The following GNB1 variants were observed in gnomAD, a reference collection of about 807,000 sequenced individuals.
GNB1 encodes the protein G protein subunit beta 1, also known as guanine nucleotide-binding protein G(I)/G(S)/G(T) subunit beta-1.
A neutral mutation model predicts 42.9 loss-of-function variants in GNB1; 2 were observed. The ratio of observed to expected loss-of-function variants is 0.05; its 90% CI spans 0.02 to 0.15. The LOEUF is 0.15. Among genes scored for constraint, GNB1 ranks in the 10% least tolerant of loss-of-function variants. The pLI is 1.00. For missense variants in GNB1, 193 were observed against 462.2 expected, an observed-to-expected ratio of 0.42 and a Z score of 5.34; for synonymous variants, 183 against 174.7, an observed-to-expected ratio of 1.05 and a Z score of -0.38.
At chr1:1,841,113 A>G (rs760909690) in intron 1 of GNB1, among the ~76,000 whole-genome samples, 17 of 152,000 alleles carry the variant, frequency 1.1e-4, no homozygotes, top group Middle Eastern at 3.2e-3. Context: ...TATGGTCTCG[A>G]TCTCCTGACC....
At chr1:1,868,250 G>A (rs551210086) in intron 1 of GNB1, among the ~76,000 whole-genome samples, 3 of 151,994 alleles carry the variant, frequency 2.0e-5, no homozygotes, top group South Asian at 4.1e-4. Flanking sequence ...ATCTCAGCTC[G>A]CTGCAACCTC....
chr1:1,799,296 T>C (rs1289502979), intron 7 of GNB1, among the ~76,000 whole-genome samples: 6 of 152,206 alleles, frequency 3.9e-5, no homozygotes, highest in Non-Finnish European at 5.9e-5. Context: ...TAAAATTTCA[T>C]GAAATATGAA....
intron 1 of GNB1, among the ~76,000 whole-genome samples, chr1:1,882,062 C>T (rs1273187936): frequency 6.6e-6 from 1 of 152,134 alleles, no homozygotes; most frequent in Non-Finnish European, 1.5e-5. Flanking sequence ...CCGCTCTGTG[C>T]CTGCGTGTCA....
At chr1:1,819,626 C>T (rs1286629457) in intron 3 of GNB1, among the ~76,000 whole-genome samples, 3 of 152,024 alleles carry the variant, frequency 2.0e-5, no homozygotes, top group African/African-American at 4.8e-5. Context: ...GCAGCCTCGA[C>T]CTCCTGGGCT....
chr1:1,850,915 A>T (rs1647944518), intron 1 of GNB1, among the ~76,000 whole-genome samples: 2 of 152,054 alleles, frequency 1.3e-5, no homozygotes, highest in Non-Finnish European at 2.9e-5. Context: ...TTGGGTTTGG[A>T]TTTTATAATC....
intron 1 of GNB1, among the ~76,000 whole-genome samples, chr1:1,861,480 A>ATAG (rs1192327307): frequency 6.6e-6 from 1 of 151,920 alleles, no homozygotes; most frequent in Non-Finnish European, 1.5e-5. Context: ...AATAATAATA[A>ATAG]AAACCCAGCA....
At chr1:1,873,626 C>T (rs1464947317) in intron 1 of GNB1, among the ~76,000 whole-genome samples, 1 of 152,206 alleles carries the variant, frequency 6.6e-6, no homozygotes, top group Non-Finnish European at 1.5e-5. Flanking sequence ...AACTTGGCGC[C>T]GAGACTGGAC....
intron 3 of GNB1, among the ~76,000 whole-genome samples, chr1:1,819,563 G>A (rs1427346458): frequency 4.0e-5 from 6 of 151,758 alleles, no homozygotes; most frequent in Admixed American, 6.6e-5. Flanking sequence ...TTTTATGACA[G>A]GATCTGGCTC....
chr1:1,855,796 G>C (rs1326338731), intron 1 of GNB1, among the ~76,000 whole-genome samples: 1 of 152,258 alleles, frequency 6.6e-6, no homozygotes, highest in South Asian at 2.1e-4. Flanking sequence ...CCTGGGGAAA[G>C]AGAGACACCT....
chr1:1,880,606 T>C (rs1649794063), intron 1 of GNB1, among the ~76,000 whole-genome samples: 1 of 151,838 alleles, frequency 6.6e-6, no homozygotes, highest in African/African-American at 2.4e-5. Flanking sequence ...TATATATATA[T>C]ATGATGATGA....
chr1:1,839,991 T>C (rs1181330425), intron 1 of GNB1, among the ~76,000 whole-genome samples: 1 of 151,678 alleles, frequency 6.6e-6, no homozygotes, highest in African/African-American at 2.4e-5. Flanking sequence ...AAAAATTAAA[T>C]GTTTTTAATT....
intron 1 of GNB1, among the ~76,000 whole-genome samples, chr1:1,871,229 G>A (rs562743725): frequency 5.7e-4 from 87 of 152,258 alleles, no homozygotes; most frequent in African/African-American, 1.9e-3. Flanking sequence ...TAAGGCCGAG[G>A]CAGGTGGATC....
intron 1 of GNB1, among the ~76,000 whole-genome samples, chr1:1,884,606 G>T (rs1400932235): frequency 6.6e-6 from 1 of 152,216 alleles, no homozygotes; most frequent in East Asian, 1.9e-4. Flanking sequence ...CTACAGGACT[G>T]CACACAGACA....
intron 5 of GNB1, among the ~76,000 whole-genome samples, chr1:1,809,758 C>T (rs937028933): frequency 2.0e-5 from 3 of 152,208 alleles, no homozygotes; most frequent in South Asian, 4.2e-4. Flanking sequence ...CTCCTAGTCC[C>T]GGGTCAGGGA....
intron 2 of GNB1, among the ~76,000 whole-genome samples, chr1:1,837,151 C>T (rs537419575): frequency 2.0e-5 from 3 of 152,142 alleles, no homozygotes; most frequent in South Asian, 2.1e-4. Context: ...TTTTCTTTTA[C>T]GCATTCTATC....
chr1:1,786,110 T>A lies in GNB1; in HGVS notation c.*953A>T, dbSNP rs1035453061. 2.5e-6 allele frequency: 1 copy of A among 398,540 alleles called. No individual in the cohort carries two copies. The highest frequency in any genetic ancestry group is 2.1e-5 in the African/African-American group (1 of 48,592). 24.7% of individuals were successfully genotyped at this position (398,540 alleles called of 1,614,324 possible). A position where few individuals can be genotyped will look rare whatever the true frequency, so the allele number is the denominator to read the frequency against. On this transcript the variant is annotated 3_prime_UTR_variant, in exon 12 of 12. Coordinates refer to ENST00000378609, the MANE Select transcript of GNB1 (RefSeq NM_002074.5). ...TCTGAGATCATTATTTTCAAAACAT[T>A]GATTTGTACATTGTTTCATACACAA...
chr1:1,888,560 G>C (rs1650285522), intron 1 of GNB1, among the ~76,000 whole-genome samples: 1 of 152,140 alleles, frequency 6.6e-6, no homozygotes, highest in South Asian at 2.1e-4. Flanking sequence ...CTTACCGGCT[G>C]GGCGCGGTGG....
chr1:1,861,128 A>G (rs1036876929), intron 1 of GNB1, among the ~76,000 whole-genome samples: 1 of 146,260 alleles, frequency 6.8e-6, no homozygotes. Context: ...AAAAAAAAAA[A>G]GGGAACTGAC....
At chr1:1,814,426 T>C (rs568354723) in intron 5 of GNB1, among the ~76,000 whole-genome samples, 2 of 152,262 alleles carry the variant, frequency 1.3e-5, no homozygotes, top group East Asian at 3.9e-4. Flanking sequence ...AATAAGACTT[T>C]GTAATAGCCT....
Sources: gnomAD v4.1 joint callset for allele counts (sites outside exome capture counted in the v4.1 genomes callset) on GRCh38, gnomAD v4.1.1 for gene constraint, MANE v1.5 for transcripts, NCBI Gene and HGNC (gene_info 2026-07-23, HGNC 2026-07-21) for gene names.